Variants in SEPTIN6 observed in about 807,000 individuals in gnomAD.
SEPTIN6 encodes the protein septin 6.
A neutral mutation model predicts 33.6 loss-of-function variants in SEPTIN6; 8 were observed. The ratio of observed to expected loss-of-function variants is 0.24; its 90% CI spans 0.14 to 0.43. The LOEUF (loss-of-function observed/expected upper bound fraction) is 0.43. Among genes scored for constraint, SEPTIN6 ranks in the 20% least tolerant of loss-of-function variants. SEPTIN6 has a pLI of 1.00. For missense variants in SEPTIN6, 250 were observed against 340.8 expected (o/e 0.73, Z 2.10); for synonymous variants, 131 against 140.0 (o/e 0.94, Z 0.45).
At position 119,656,660 on chromosome X, in the gene SEPTIN6, G is replaced by A. The variant is rs994840182; in HGVS notation, c.342-3620C>T. ...CCCAGCACTTTGGGAGACCAAGGTG[G>A]GCGGATCACGAGGTCAGGAGTTCGA... On this transcript the variant is annotated intron_variant, in intron 3 of 10. Transcript: ENST00000394610. Among the ~76,000 whole-genome samples, 3 of 112,211 alleles carry A rather than the reference G, an allele frequency of 2.7e-5. No homozygotes were observed. In the Admixed American group the frequency reaches 2.8e-4, roughly 11 times the overall value.
chrX:119,649,533 A>G (rs2054319667), intron 5 of SEPTIN6, among the ~76,000 whole-genome samples: 1 of 107,927 alleles, frequency 9.3e-6, no homozygotes, highest in African/African-American at 3.4e-5. Context: ...TGACTACACT[A>G]AGATGGATGG....
chrX:119,676,232 C>CG lies in SEPTIN6; in HGVS notation c.31-565dup, dbSNP rs775367952. On this transcript the variant is annotated intron_variant, in intron 1 of 10. Transcript: ENST00000394610. ...ATCCCAGCACTTTGGGAGGCCAAGG[C>CG]GGGGGGGATCACTTGAGGTCAGGAG... is the stretch of plus-strand genomic sequence containing the variant. 1.4e-4 allele frequency among the ~76,000 whole-genome samples: 15 copies of CG among 108,550 alleles called. No individual in the cohort carries two copies. The South Asian group carries it at 5.0e-3, about 36-fold the overall frequency. The allele number at this position is 108,550 out of a possible 115,157, so 94.3% of individuals were successfully genotyped here.
At chrX:119,663,821 T>G (rs1310071721) in intron 2 of SEPTIN6, 144 bp from the exon 3 acceptor site, 8 of 455,930 alleles carry the variant, frequency 1.8e-5, no homozygotes, top group Non-Finnish European at 2.9e-5. Flanking sequence ...ATGAACTATA[T>G]GATGTCAGTT....
At chrX:119,658,830 T>C (rs2054494381) in intron 3 of SEPTIN6, among the ~76,000 whole-genome samples, 1 of 112,566 alleles carries the variant, frequency 8.9e-6, no homozygotes, top group Admixed American at 9.5e-5. Flanking sequence ...CTGTAAATTA[T>C]TTGTTTATTT....
chrX:119,680,862 T>G (rs1036015514), intron 1 of SEPTIN6, among the ~76,000 whole-genome samples: 19 of 107,304 alleles, frequency 1.8e-4, no homozygotes, highest in Non-Finnish European at 3.3e-4. Context: ...ATGCCTGTAG[T>G]CCCAGCCACT....
chrX:119,677,647 C>A (rs1175456510), intron 1 of SEPTIN6, among the ~76,000 whole-genome samples: 1 of 112,378 alleles, frequency 8.9e-6, no homozygotes, highest in Non-Finnish European at 1.9e-5. Flanking sequence ...AATAAGGGCA[C>A]ATTTTCACAC....
At position 119,668,328 on chromosome X, in the gene SEPTIN6, GAGAGAC is replaced by G. The variant is rs760551124; in HGVS notation, c.146-4657_146-4652del. ...AAGGAAAGACAGAGAGAGAGAGAGA[GAGAGAC>G]AGAGAGAGAGACAGAGAAAGAAAAA... On this transcript the variant is annotated intron_variant, in intron 2 of 10. Transcript: ENST00000394610. 5.1e-3 allele frequency among the ~76,000 whole-genome samples: 422 copies of G among 83,257 alleles called. 2 individuals are homozygous for G. Among genetic ancestry groups the G allele is most frequent in the Middle Eastern group, 0.023 (4 of 177 alleles). 72.3% of individuals were successfully genotyped at this position (83,257 alleles called of 115,157 possible). A position where few individuals can be genotyped will look rare whatever the true frequency, so the allele number is the denominator to read the frequency against.
rs139086189 is a variant in SEPTIN6 at position 119,677,039 on chromosome X, G to A, written c.31-1371C>T. Among the ~76,000 whole-genome samples the A allele has an allele frequency of 9.8e-4, 110 of 112,371 alleles. 1 individual carries two copies. Among genetic ancestry groups the A allele is most frequent in the Non-Finnish European group, 1.6e-3 (87 of 53,272 alleles). On this transcript the variant is annotated intron_variant, in intron 1 of 10. Coordinates refer to ENST00000394610, the MANE Select transcript of SEPTIN6 (RefSeq NM_145799.4). The stretch of plus-strand genomic sequence containing the variant: ...CCCTTAGCGTAGTGCCTAGCATGTG[G>A]TGAGCATTCAATCAGCAGTAGCTGC...
At chrX:119,657,587 A>T (rs1469546818) in intron 3 of SEPTIN6, among the ~76,000 whole-genome samples, 1 of 111,309 alleles carries the variant, frequency 9.0e-6, no homozygotes, top group Non-Finnish European at 1.9e-5. Flanking sequence ...ATCATAGCTC[A>T]CTGTGACCTC....
At chrX:119,679,811 G>A (rs1412014591) in intron 1 of SEPTIN6, among the ~76,000 whole-genome samples, 1 of 111,782 alleles carries the variant, frequency 8.9e-6, no homozygotes, top group African/African-American at 3.3e-5. Flanking sequence ...AGTGAGCCGA[G>A]ATTGCGCCAC....
chrX:119,642,853 C>T (rs2054178306), intron 5 of SEPTIN6, among the ~76,000 whole-genome samples: 1 of 111,196 alleles, frequency 9.0e-6, no homozygotes, highest in Non-Finnish European at 1.9e-5. Context: ...TCTCCACTCT[C>T]AGCTGCTATC....
chrX:119,681,970 G>A (rs1356000392), intron 1 of SEPTIN6, among the ~76,000 whole-genome samples: 1 of 111,125 alleles, frequency 9.0e-6, no homozygotes, highest in Non-Finnish European at 1.9e-5. Context: ...CCGGTAGGTC[G>A]AGGATGTAGT....
In SEPTIN6 at chrX:119,652,996, T is replaced by A. The variant is rs778522708; in HGVS notation, c.386A>T (p.Tyr129Phe). Residue 129 changes from tyrosine (Y) to phenylalanine (F), a missense_variant, in exon 4 of 11, where the codon TAC becomes TTC. Physicochemically the swap from Tyr to Phe is conservative, Grantham distance 22. Coordinates refer to ENST00000394610, the MANE Select transcript of SEPTIN6 (RefSeq NM_145799.4). ...TCGGATCTTTAGCTCTTCCTGCAGG[T>A]AGGCCTCGAATTGTGCATCGATGAA... is the stretch of plus-strand genomic sequence containing the variant. ...VEFIDAQFEA[Y>F]LQEELKIRRV... 5.5e-5 allele frequency: 66 copies of A among 1,207,642 alleles called. No individual in the cohort carries two copies. The highest frequency in any genetic ancestry group is 2.3e-4 in the Middle Eastern group (1 of 4,365).
intron 10 of SEPTIN6, 87 bp from the exon 11 acceptor site, chrX:119,620,138 A>T: frequency 1.3e-6 from 1 of 742,153 alleles, no homozygotes; most frequent in South Asian, 2.4e-5. Flanking sequence ...TTAAGTAATG[A>T]GGACTAATGG....
intron 4 of SEPTIN6, among the ~76,000 whole-genome samples, chrX:119,651,096 G>C (rs1370275853): frequency 9.1e-6 from 1 of 110,396 alleles, no homozygotes; most frequent in Non-Finnish European, 1.9e-5. Flanking sequence ...ACTCCAACGG[G>C]GGGTGGGGGA....
intron 3 of SEPTIN6, among the ~76,000 whole-genome samples, chrX:119,658,032 CAGG>C (rs1296682910): frequency 9.0e-6 from 1 of 111,405 alleles, no homozygotes; most frequent in Admixed American, 9.6e-5. Flanking sequence ...GCGGCTGAGG[CAGG>C]AGAATGGCGT....
At chrX:119,668,772 G>A (rs1034613735) in intron 2 of SEPTIN6, among the ~76,000 whole-genome samples, 56 of 111,802 alleles carry the variant, frequency 5.0e-4, no homozygotes, top group African/African-American at 1.7e-3. Flanking sequence ...GACCAACATA[G>A]ACCCTGTCTC....
chrX:119,692,560 A>C, intron 1 of SEPTIN6, among the ~76,000 whole-genome samples: 1 of 111,536 alleles, frequency 9.0e-6, no homozygotes, highest in Non-Finnish European at 1.9e-5. Flanking sequence ...TGTAATGCAT[A>C]TAGAGAAACC....
At chrX:119,616,462 G>A (rs2053666804), downstream of SEPTIN6, 4 of 468,582 alleles carry the variant, frequency 8.5e-6, no homozygotes, top group African/African-American at 2.3e-5. Context: ...GTTACATTTC[G>A]TCCATTTTCC....
Sources: allele counts gnomAD v4.1 joint callset (sites outside exome capture counted in the v4.1 genomes callset), GRCh38; gene constraint gnomAD v4.1.1; transcripts MANE v1.5; gene names NCBI Gene and HGNC (gene_info 2026-07-23, HGNC 2026-07-21).